Variants in KAZN observed in about 807,000 individuals in gnomAD.
KAZN encodes kazrin.
Under a neutral mutation model 87.4 loss-of-function variants are expected in KAZN, and 40 were observed. The ratio of observed to expected loss-of-function variants is 0.46; its 90% CI spans 0.36 to 0.60. The LOEUF (loss-of-function observed/expected upper bound fraction) is 0.60, where lower values mean the gene tolerates loss of function less well. Among genes scored for constraint, KAZN ranks in the 20% least tolerant of loss-of-function variants. The pLI is 0.00. For synonymous variants in KAZN, 466 were observed against 458.3 expected (o/e 1.02, Z -0.22); for missense variants, 898 against 1,073.9 (o/e 0.84, Z 2.29).
intron 2 of KAZN, among the ~76,000 whole-genome samples, chr1:14,463,469 G>C (rs956161819): frequency 6.6e-6 from 1 of 152,116 alleles, no homozygotes; most frequent in Non-Finnish European, 1.5e-5. Context: ...TATTGAAATT[G>C]CTCTATTAAG....
intron 1 of KAZN, among the ~76,000 whole-genome samples, chr1:14,701,373 G>A (rs547818989): frequency 1.8e-4 from 27 of 152,276 alleles, no homozygotes; most frequent in East Asian, 3.9e-4. Flanking sequence ...TCAAGCTGTC[G>A]TCCTGCCTTG....
intron 2 of KAZN, among the ~76,000 whole-genome samples, chr1:14,257,959 T>TA (rs1168366132): frequency 3.7e-3 from 107 of 28,728 alleles, no homozygotes; most frequent in African/African-American, 9.0e-3. Context: ...AAAAAAACAT[T>TA]AAAAAAAAAA....
intron 2 of KAZN, among the ~76,000 whole-genome samples, chr1:14,557,271 A>G (rs1448321111): frequency 1.3e-5 from 2 of 152,212 alleles, no homozygotes; most frequent in Non-Finnish European, 2.9e-5. Flanking sequence ...GCATTGACCA[A>G]TGGCCAAACC....
At chr1:14,302,873 G>A (rs759621629) in intron 2 of KAZN, among the ~76,000 whole-genome samples, 3 of 152,184 alleles carry the variant, frequency 2.0e-5, no homozygotes, top group South Asian at 2.1e-4. Context: ...GACGTGAGTT[G>A]TAAGAAGGAT....
chr1:14,617,433 T>C (rs1557839897), intron 1 of KAZN, among the ~76,000 whole-genome samples: 2 of 152,318 alleles, frequency 1.3e-5, no homozygotes, highest in Non-Finnish European at 2.9e-5. Context: ...AACATGCTTT[T>C]GGGAAATTGG....
intron 2 of KAZN, among the ~76,000 whole-genome samples, chr1:14,490,705 A>T (rs756052138): frequency 6.6e-6 from 1 of 152,084 alleles, no homozygotes; most frequent in African/African-American, 2.4e-5. Context: ...TTTAATGGTT[A>T]TATTTTTGCA....
chr1:14,965,982 C>CTTTTTTTTTT (rs71306999), intron 2 of KAZN, among the ~76,000 whole-genome samples: 1 of 129,190 alleles, frequency 7.7e-6, no homozygotes, highest in Non-Finnish European at 1.6e-5. Context: ...CTTTCCTTTT[C>CTTTTTTTTTT]TTTTTTTTTT....
At chr1:14,766,355 G>A (rs534813337) in intron 1 of KAZN, among the ~76,000 whole-genome samples, 2 of 151,990 alleles carry the variant, frequency 1.3e-5, no homozygotes, top group Non-Finnish European at 2.9e-5. Flanking sequence ...CATCCCACAT[G>A]CCCCAAGCAC....
intron 1 of KAZN, among the ~76,000 whole-genome samples, chr1:14,094,795 A>G (rs1644090016): frequency 1.3e-5 from 2 of 152,180 alleles, no homozygotes; most frequent in South Asian, 2.1e-4. Context: ...GACACAGTCA[A>G]CATTTATTTC....
intron 2 of KAZN, among the ~76,000 whole-genome samples, chr1:14,361,174 T>C (rs1659478454): frequency 6.6e-6 from 1 of 152,198 alleles, no homozygotes; most frequent in Non-Finnish European, 1.5e-5. Context: ...TACAGCAGCT[T>C]TGCCAAGCTG....
intron 2 of KAZN, among the ~76,000 whole-genome samples, chr1:15,003,178 C>T (rs1668670443): frequency 6.6e-6 from 1 of 152,126 alleles, no homozygotes; most frequent in Admixed American, 6.5e-5. Flanking sequence ...CAACCTTCTG[C>T]CTTGGGAATA....
intron 2 of KAZN, among the ~76,000 whole-genome samples, chr1:14,493,199 G>A (rs992055159): frequency 6.6e-6 from 1 of 151,972 alleles, no homozygotes; most frequent in African/African-American, 2.4e-5. Context: ...GCCCCGTGCT[G>A]TACACTCATC....
chr1:14,433,950 C>T (rs1350579589), intron 2 of KAZN, among the ~76,000 whole-genome samples: 14 of 152,186 alleles, frequency 9.2e-5, no homozygotes, highest in Non-Finnish European at 1.3e-4. Flanking sequence ...GGACACAATG[C>T]GAAGGAGGCT....
chr1:14,354,685 C>CACAA (rs977762644), intron 2 of KAZN, among the ~76,000 whole-genome samples: 6 of 145,362 alleles, frequency 4.1e-5, no homozygotes, highest in African/African-American at 5.2e-5. Flanking sequence ...CACACACACA[C>CACAA]ACAAACAAAC....
chr1:14,375,022 A>G (rs928635643), intron 2 of KAZN, among the ~76,000 whole-genome samples: 2 of 152,178 alleles, frequency 1.3e-5, no homozygotes, highest in African/African-American at 4.8e-5. Flanking sequence ...GCCAACACAG[A>G]CTTTCAGCTT....
At chr1:13,997,173 T>TCAA (rs3031976) in intron 1 of KAZN, among the ~76,000 whole-genome samples, 14 of 151,366 alleles carry the variant, frequency 9.2e-5, no homozygotes, top group East Asian at 2.0e-4. Flanking sequence ...AACACCATCA[T>TCAA]CAACAACAAC....
At chr1:15,022,641 C>G (rs934840846) in intron 2 of KAZN, among the ~76,000 whole-genome samples, 16 of 152,168 alleles carry the variant, frequency 1.1e-4, no homozygotes, top group African/African-American at 3.6e-4. Context: ...TGATCAGTTG[C>G]CAATGTGGAA....
intron 2 of KAZN, among the ~76,000 whole-genome samples, chr1:14,987,528 C>A (rs1184551006): frequency 1.3e-5 from 2 of 152,052 alleles, no homozygotes; most frequent in Non-Finnish European, 2.9e-5. Flanking sequence ...GGAACAGGAG[C>A]CTTTTATCCA....
intron 1 of KAZN, among the ~76,000 whole-genome samples, chr1:14,895,430 T>A (rs1655160573): frequency 6.6e-6 from 1 of 152,186 alleles, no homozygotes; most frequent in Non-Finnish European, 1.5e-5. Context: ...GCAGGCCCTC[T>A]CATTAACAGC....
Sources: gnomAD v4.1 joint callset for allele counts (sites outside exome capture counted in the v4.1 genomes callset) on GRCh38, gnomAD v4.1.1 for gene constraint, MANE v1.5 for transcripts, NCBI Gene and HGNC (gene_info 2026-07-23, HGNC 2026-07-21) for gene names.